Variants in SND1 observed in about 807,000 individuals in gnomAD.
SND1 encodes staphylococcal nuclease domain-containing protein 1.
A neutral mutation model predicts 121.7 loss-of-function variants in SND1; 38 were observed. The observed-to-expected ratio is 0.31, with a 90% CI of 0.24 to 0.41. SND1 has a LOEUF of 0.41. Among genes scored for constraint, SND1 ranks in the 10% least tolerant of loss-of-function variants. The probability of loss-of-function intolerance (pLI) is 1.00; values close to 1 mark genes in which losing one functional copy is unlikely to be tolerated. For missense variants in SND1, 868 were observed against 1,184.6 expected, an observed-to-expected ratio of 0.73 and a Z score of 3.92; for synonymous variants, 401 against 447.4, an observed-to-expected ratio of 0.90 and a Z score of 1.31.
chr7:127,868,262 A>G (rs1046678613), intron 12 of SND1, among the ~76,000 whole-genome samples: 6 of 152,112 alleles, frequency 3.9e-5, no homozygotes, highest in Non-Finnish European at 8.8e-5. Flanking sequence ...GCATGCGCCT[A>G]TAGTCCCAGG....
At chr7:127,781,380 CG>C (rs1297645385) in intron 10 of SND1, among the ~76,000 whole-genome samples, 1 of 152,012 alleles carries the variant, frequency 6.6e-6, no homozygotes, top group Non-Finnish European at 1.5e-5. Context: ...CGTTCCTCCC[CG>C]CCCCCCCTTC....
chr7:127,789,185 T>C (rs1203661343), intron 10 of SND1, among the ~76,000 whole-genome samples: 1 of 152,212 alleles, frequency 6.6e-6, no homozygotes, highest in Non-Finnish European at 1.5e-5. Flanking sequence ...CCTCCCCAAC[T>C]CTACTGGGTT....
intron 15 of SND1, among the ~76,000 whole-genome samples, chr7:127,934,380 C>T (rs537673554): frequency 2.0e-5 from 3 of 152,134 alleles, no homozygotes; most frequent in Non-Finnish European, 4.4e-5. Flanking sequence ...GCAGTGGACC[C>T]TCAGAGTCAC....
intron 15 of SND1, among the ~76,000 whole-genome samples, chr7:127,955,886 A>G (rs1051663464): frequency 6.6e-6 from 1 of 152,008 alleles, no homozygotes; most frequent in Non-Finnish European, 1.5e-5. Flanking sequence ...TTCATGATCT[A>G]TACCCTGTTC....
chr7:127,797,889 A>T (rs999253433), intron 10 of SND1, among the ~76,000 whole-genome samples: 1 of 152,220 alleles, frequency 6.6e-6, no homozygotes, highest in Non-Finnish European at 1.5e-5. Context: ...TCTTGGGGGA[A>T]CAAAGACCTC....
At chr7:127,937,728 T>C (rs1801092564) in intron 15 of SND1, among the ~76,000 whole-genome samples, 1 of 152,246 alleles carries the variant, frequency 6.6e-6, no homozygotes, top group East Asian at 1.9e-4. Context: ...CCTGTTTCAA[T>C]AGACCAAAAA....
At chr7:128,004,038 CT>C (rs34590935) in intron 16 of SND1, among the ~76,000 whole-genome samples, 554 of 130,936 alleles carry the variant, frequency 4.2e-3, no homozygotes, top group Admixed American at 4.7e-3. Flanking sequence ...AACTTACTTT[CT>C]TTTTTTTTTT....
intron 16 of SND1, among the ~76,000 whole-genome samples, chr7:128,022,362 A>G (rs1034529827): frequency 6.6e-6 from 1 of 152,234 alleles, no homozygotes; most frequent in Non-Finnish European, 1.5e-5. Context: ...AAGCCTAAGT[A>G]CTATCTTGGT....
rs77477908 is a variant in SND1, at chr7:128,092,216, G to A, written c.*158G>A. 0.022 allele frequency: 16,425 copies of A among 757,640 alleles called. 982 individuals carry two copies. The highest frequency in any genetic ancestry group is 0.17 in the African/African-American group (9,796 of 57,092). 46.9% of individuals were successfully genotyped at this position (757,640 alleles called of 1,614,324 possible). On this transcript the variant is annotated 3_prime_UTR_variant, in exon 24 of 24. Coordinates refer to ENST00000354725, the MANE Select transcript of SND1 (RefSeq NM_014390.4). The surrounding 1 kb of genome is among the most constrained non-coding windows in gnomAD (Gnocchi z 4.9). ...TCTCGTGGGGTGGCATCGGGGCTGC[G>A]GGGTGGGGACCCCAAGGCTTTCTGG...
At chr7:127,690,270 C>T (rs1795890920) in intron 2 of SND1, among the ~76,000 whole-genome samples, 1 of 152,142 alleles carries the variant, frequency 6.6e-6, no homozygotes, top group Non-Finnish European at 1.5e-5. Flanking sequence ...AATGCCTTAG[C>T]CTGGGTTACA....
intron 12 of SND1, among the ~76,000 whole-genome samples, chr7:127,846,588 A>C (rs1799067952): frequency 6.6e-6 from 1 of 152,216 alleles, no homozygotes; most frequent in African/African-American, 2.4e-5. Context: ...GTAGGAAATC[A>C]ATGAATTTGT....
intron 16 of SND1, among the ~76,000 whole-genome samples, chr7:128,021,285 G>A (rs1299085159): frequency 1.3e-5 from 2 of 152,214 alleles, no homozygotes; most frequent in Non-Finnish European, 2.9e-5. Flanking sequence ...CAGGCTGTTA[G>A]TATCTGAGGC....
At chr7:128,078,929 T>G (rs1331253326) in intron 17 of SND1, among the ~76,000 whole-genome samples, 2 of 152,142 alleles carry the variant, frequency 1.3e-5, no homozygotes, top group Non-Finnish European at 2.9e-5. Context: ...AGCACCTGCA[T>G]GGGATGCAGA....
intron 16 of SND1, among the ~76,000 whole-genome samples, chr7:128,068,816 A>G (rs1470789488): frequency 6.6e-6 from 1 of 152,202 alleles, no homozygotes; most frequent in Non-Finnish European, 1.5e-5. Context: ...CTTCCTCGGT[A>G]ATTAGGAGAC....
chr7:127,652,589 C>G, intron 1 of SND1, 138 bp downstream of exon 1: 1 of 718,168 alleles, frequency 1.4e-6, no homozygotes, highest in South Asian at 1.9e-5. Flanking sequence ...GTCGATTCTC[C>G]GAATCCTCTC....
intron 12 of SND1, among the ~76,000 whole-genome samples, chr7:127,873,883 C>G (rs1025135679): frequency 6.6e-6 from 1 of 152,024 alleles, no homozygotes; most frequent in Non-Finnish European, 1.5e-5. Context: ...TTGCAAGAAA[C>G]AACAACAACT....
chr7:127,769,371 G>A (rs1264755813), intron 10 of SND1, among the ~76,000 whole-genome samples: 2 of 152,194 alleles, frequency 1.3e-5, no homozygotes, highest in Non-Finnish European at 2.9e-5. Flanking sequence ...AGGGCAGGAT[G>A]TAAACATGTT....
chr7:127,731,131 G>T (rs1361312577), intron 10 of SND1, among the ~76,000 whole-genome samples: 1 of 152,236 alleles, frequency 6.6e-6, no homozygotes, highest in Non-Finnish European at 1.5e-5. Flanking sequence ...TCTCCCTTAG[G>T]CTCTTTCTGG....
intron 12 of SND1, among the ~76,000 whole-genome samples, chr7:127,881,292 A>T (rs967293478): frequency 6.6e-6 from 1 of 152,140 alleles, no homozygotes; most frequent in Non-Finnish European, 1.5e-5. Context: ...TTGGATAATC[A>T]TTCTATGATT....
Sources: allele counts gnomAD v4.1 joint callset (sites outside exome capture counted in the v4.1 genomes callset), GRCh38; gene constraint gnomAD v4.1.1; non-coding constraint Gnocchi (gnomAD v3.1); transcripts MANE v1.5; gene names NCBI Gene and HGNC (gene_info 2026-07-23, HGNC 2026-07-21).